CASZ1: variants seen among roughly 807,000 people sequenced by gnomAD.
The protein encoded by CASZ1 is castor zinc finger 1, also known as zinc finger protein castor homolog 1.
A neutral mutation model predicts 135.2 loss-of-function variants in CASZ1; 28 were observed. The ratio of observed to expected loss-of-function variants is 0.21; its 90% confidence interval spans 0.15 to 0.28. The LOEUF (loss-of-function observed/expected upper bound fraction) is 0.28. Among genes scored for constraint, CASZ1 ranks in the 10% least tolerant of loss-of-function variants. The pLI is 1.00. For synonymous variants in CASZ1, 1,068 were observed against 1,073.4 expected (o/e 0.99, Z 0.10); for missense variants, 2,161 against 2,453.3 (o/e 0.88, Z 2.52).
chr1:10,661,345 G>A (rs75932283), intron 5 of CASZ1: 8,960 of 152,290 alleles, frequency 0.059, 276 homozygotes, highest in Non-Finnish European at 0.069. Context: ...ACACCAGGAA[G>A]CCTGGAGCCA....
At chr1:10,696,450 C>T (rs1334504531) in intron 3 of CASZ1, among the ~76,000 whole-genome samples, 1 of 152,268 alleles carries the variant, frequency 6.6e-6, no homozygotes, top group Non-Finnish European at 1.5e-5. Flanking sequence ...GCACCCAGCA[C>T]AGAGGACTGT....
rs1478798008 is a variant in CASZ1, at chr1:10,721,451, T to C, written c.-76-15907A>G. Among the ~76,000 whole-genome samples the C allele has an allele frequency of 6.6e-6, 1 of 152,222 alleles. No individual in the cohort carries two copies. The highest frequency in any genetic ancestry group is 1.5e-5 in the Non-Finnish European group (1 of 68,038). ...TGGGTGAGAGAAAACAAAAAAGGCC[T>C]GTTAACCAAAACACTAATTGCTGTG... On this transcript the variant is annotated intron_variant, in intron 2 of 20. Coordinates refer to ENST00000377022, the MANE Select transcript of CASZ1 (RefSeq NM_001079843.3). The surrounding 1 kb of genome is among the most constrained non-coding windows in gnomAD (Gnocchi z 5.4).
At chr1:10,692,624 C>T (rs924539012) in intron 4 of CASZ1, among the ~76,000 whole-genome samples, 1 of 152,206 alleles carries the variant, frequency 6.6e-6, no homozygotes, top group Admixed American at 6.5e-5. Flanking sequence ...CAAGATCACA[C>T]CTGGTGTCAC....
chr1:10,741,183 ATGTTG>A lies in CASZ1; in HGVS notation c.-77+19513_-77+19517del, dbSNP rs1639915086. 6.6e-6 allele frequency among the ~76,000 whole-genome samples: 1 copy of A among 152,100 alleles called. No individual in the cohort carries two copies. The highest frequency in any genetic ancestry group is 1.5e-5 in the Non-Finnish European group (1 of 68,024). Reference sequence around the variant, plus strand: ...TTTTTAGCAGAGACGGGGTTTCACCATGTTGGTCAGGCTGGTCTCCAACTCCTGAC... The same window carrying A: ...TTTTTAGCAGAGACGGGGTTTCACCAGTCAGGCTGGTCTCCAACTCCTGAC... On this transcript the variant is annotated intron_variant, in intron 2 of 20. Coordinates refer to ENST00000377022, the MANE Select transcript of CASZ1 (RefSeq NM_001079843.3). The surrounding 1 kb of genome is among the most constrained non-coding windows in gnomAD (Gnocchi z 5.0).
At chr1:10,685,231 T>C (rs1638547899) in intron 4 of CASZ1, among the ~76,000 whole-genome samples, 1 of 152,166 alleles carries the variant, frequency 6.6e-6, no homozygotes, top group African/African-American at 2.4e-5. Context: ...GCCCTGAAGC[T>C]GCACAGGCCC....
At position 10,666,648 on chromosome 1, in the gene CASZ1, T is replaced by C. The variant is rs899571322; in HGVS notation, c.17-1077A>G. 6.6e-6 allele frequency among the ~76,000 whole-genome samples: 1 copy of C among 152,084 alleles called. No homozygotes were observed. Among genetic ancestry groups the C allele is most frequent in the African/African-American group, 2.4e-5 (1 of 41,396 alleles). On this transcript the variant is annotated intron_variant, in intron 4 of 20. Coordinates refer to ENST00000377022, the MANE Select transcript of CASZ1 (RefSeq NM_001079843.3). This position sits in a 1 kb window ranked among gnomAD's most constrained non-coding sequence, Gnocchi z 5.2. ...CGGAAGGAAGCCCTCATGAGGCGAC[T>C]TGAGAGCCAGCGACCTCCCTCGCGG...
At position 10,636,751 on chromosome 1, in the gene CASZ1, G is replaced by C. The variant is rs1285915954; in HGVS notation, c.*2191C>G. The C allele has an allele frequency of 3.3e-5, 5 of 151,970 alleles. No homozygotes were observed. Among genetic ancestry groups the C allele is most frequent in the African/African-American group, 1.2e-4 (5 of 41,236 alleles). 9.4% of individuals were successfully genotyped at this position (151,970 alleles called of 1,614,324 possible). The stretch of plus-strand genomic sequence containing the variant: ...AAAAATATTCAGTTCTTAATAACCA[G>C]GTGCCGAGGAGACCAGATTCAAGTA... On this transcript the variant is annotated 3_prime_UTR_variant, in exon 21 of 21. Transcript: ENST00000377022.
chr1:10,751,698 C>T (rs987770031), intron 2 of CASZ1, among the ~76,000 whole-genome samples: 20 of 152,144 alleles, frequency 1.3e-4, no homozygotes, highest in South Asian at 2.1e-4. Context: ...CCCACTCGTG[C>T]GGCACCCCCG....
At chr1:10,740,460 G>T in intron 2 of CASZ1, among the ~76,000 whole-genome samples, 1 of 152,214 alleles carries the variant, frequency 6.6e-6, no homozygotes, top group South Asian at 2.1e-4. Context: ...GGAGAGAAAT[G>T]AAGATAGGGC....
chr1:10,666,576 C>T lies in CASZ1; in HGVS notation c.17-1005G>A, dbSNP rs142703232. ...TCCCTCACGGAACGCCCCGAAGCGC[C>T]GGTCACAGCACCTAATCCCCGAATG... On this transcript the variant is annotated intron_variant, in intron 4 of 20. Coordinates refer to ENST00000377022, the MANE Select transcript of CASZ1 (RefSeq NM_001079843.3). The surrounding 1 kb of genome is among the most constrained non-coding windows in gnomAD (Gnocchi z 5.2). Among the ~76,000 whole-genome samples, 2,083 of 152,302 alleles carry T rather than the reference C, an allele frequency of 0.014. 24 individuals carry two copies. The highest frequency in any genetic ancestry group is 0.02 in the Non-Finnish European group (1,373 of 68,018).
intron 8 of CASZ1, among the ~76,000 whole-genome samples, chr1:10,656,241 C>A (rs145959333): frequency 6.6e-6 from 1 of 152,250 alleles, no homozygotes; most frequent in Non-Finnish European, 1.5e-5. Flanking sequence ...CGCTCACTGG[C>A]GGGCAGCCTT....
intron 2 of CASZ1, among the ~76,000 whole-genome samples, chr1:10,748,577 G>C (rs889457371): frequency 8.5e-5 from 13 of 152,148 alleles, no homozygotes; most frequent in Non-Finnish European, 1.6e-4. Flanking sequence ...CTGCAACTCA[G>C]GTCAGCCTGG....
intron 4 of CASZ1, among the ~76,000 whole-genome samples, chr1:10,690,598 C>T (rs1015827981): frequency 7.2e-5 from 11 of 152,146 alleles, no homozygotes; most frequent in African/African-American, 2.2e-4. Context: ...AGAAACCGGC[C>T]GGGCTTCCTC....
At position 10,647,734 on chromosome 1, in the gene CASZ1, C is replaced by A. The variant is rs967980248; in HGVS notation, c.3497+67G>T. ...CAGTGAGGAACAGGGCCTCCTAGCG[C>A]CCTTGCTAGCACCTACTCCCGAGAC... On this transcript the variant is annotated intron_variant, in intron 16 of 20. Coordinates refer to ENST00000377022, the MANE Select transcript of CASZ1 (RefSeq NM_001079843.3). This position sits in a 1 kb window ranked among gnomAD's most constrained non-coding sequence, Gnocchi z 4.9. 8.1e-6 allele frequency: 13 copies of A among 1,602,610 alleles called. No homozygotes were observed. In the African/African-American group the frequency reaches 1.7e-4, roughly 21 times the overall value.
At chr1:10,673,616 C>A (rs574378754) in intron 4 of CASZ1, among the ~76,000 whole-genome samples, 28 of 152,318 alleles carry the variant, frequency 1.8e-4, no homozygotes, top group African/African-American at 6.3e-4. Flanking sequence ...TACCCATGCA[C>A]GCAGTCAAAG....
At chr1:10,640,268 C>T (rs976565047) in intron 20 of CASZ1, among the ~76,000 whole-genome samples, 12 of 152,240 alleles carry the variant, frequency 7.9e-5, no homozygotes, top group African/African-American at 2.9e-4. Flanking sequence ...CTCCTCATCC[C>T]TGTCTGCAGA....
intron 2 of CASZ1, among the ~76,000 whole-genome samples, chr1:10,723,148 TG>T (rs1639533383): frequency 6.6e-6 from 1 of 152,198 alleles, no homozygotes; most frequent in Non-Finnish European, 1.5e-5. Flanking sequence ...GTGCCCTGGC[TG>T]TAAACCGGAC....
chr1:10,748,742 A>C (rs1158966051), intron 2 of CASZ1, among the ~76,000 whole-genome samples: 1 of 152,150 alleles, frequency 6.6e-6, no homozygotes, highest in African/African-American at 2.4e-5. Context: ...CTGTAGAGTC[A>C]CCTGAACTGT....
chr1:10,735,483 C>T lies in CASZ1; in HGVS notation c.-77+25218G>A, dbSNP rs558131944. Among the ~76,000 whole-genome samples the T allele has an allele frequency of 2.7e-3, 407 of 152,236 alleles. 1 individual carries two copies. Among genetic ancestry groups the T allele is most frequent in the African/African-American group, 9.5e-3 (395 of 41,556 alleles). ...TCCCGCTGCCACTTGCAGGCTCAGC[C>T]AGCTCCACGCAGCGCCAGGGCTGTC... On this transcript the variant is annotated intron_variant, in intron 2 of 20. Coordinates refer to ENST00000377022, the MANE Select transcript of CASZ1 (RefSeq NM_001079843.3). The surrounding 1 kb of genome is among the most constrained non-coding windows in gnomAD (Gnocchi z 5.1).
Sources: allele counts gnomAD v4.1 joint callset (sites outside exome capture counted in the v4.1 genomes callset), GRCh38; gene constraint gnomAD v4.1.1; non-coding constraint Gnocchi (gnomAD v3.1); transcripts MANE v1.5; gene names NCBI Gene and HGNC (gene_info 2026-07-23, HGNC 2026-07-21).